LARP4B: variants seen among roughly 807,000 people sequenced by gnomAD.
LARP4B encodes La ribonucleoprotein 4B.
In LARP4B, 12 loss-of-function variants were observed where a neutral mutation model predicts 89.8. The observed-to-expected ratio is 0.13, with a 90% CI of 0.09 to 0.22. The LOEUF is 0.22. LARP4B is among the 10% of genes least tolerant of loss of function. The probability of loss-of-function intolerance (pLI) is 1.00; values close to 1 mark genes in which losing one functional copy is unlikely to be tolerated. For missense variants in LARP4B, 757 were observed against 947.7 expected (o/e 0.80, Z 2.64); for synonymous variants, 367 against 363.3 (o/e 1.01, Z -0.12).
rs1029122205 is a variant in LARP4B at position 888,477 on chromosome 10, G to A, written c.-39-2717C>T. 6.6e-5 allele frequency among the ~76,000 whole-genome samples: 10 copies of A among 152,098 alleles called. 1 individual carries two copies. Among genetic ancestry groups the A allele is most frequent in the African/African-American group, 2.4e-4 (10 of 41,426 alleles). On this transcript the variant is annotated intron_variant, in intron 1 of 17. Transcript: ENST00000316157. Reference sequence around the variant, plus strand: ...GTGTCCTCACTTAACATCATCAACAGGTTCTTGGAAACTGACTTCAAGCGA... The same window carrying A: ...GTGTCCTCACTTAACATCATCAACAAGTTCTTGGAAACTGACTTCAAGCGA...
chr10:856,396 G>T (rs1376093734), intron 5 of LARP4B, among the ~76,000 whole-genome samples: 2 of 152,162 alleles, frequency 1.3e-5, no homozygotes, highest in Non-Finnish European at 2.9e-5. Flanking sequence ...TTATCACTCT[G>T]GTCTGACAAG....
intron 15 of LARP4B, 189 bp from the exon 16 acceptor site, chr10:815,259 C>CT (rs1831973844): frequency 2.1e-6 from 1 of 475,410 alleles, no homozygotes; most frequent in Non-Finnish European, 3.5e-6. Context: ...GCCCACCCTT[C>CT]TCTTTCTCGG....
chr10:960,374 G>T, the LARP4B span, among the ~76,000 whole-genome samples: 1 of 152,082 alleles, frequency 6.6e-6, no homozygotes, highest in East Asian at 1.9e-4. Context: ...CTGACCCCCA[G>T]TGTAAACTGC....
the LARP4B span, among the ~76,000 whole-genome samples, chr10:953,644 A>G: frequency 3.3e-5 from 5 of 152,194 alleles, no homozygotes; most frequent in East Asian, 1.9e-4. Context: ...AACCAACTGC[A>G]TAACAGACAA....
chr10:937,865 T>C, the LARP4B span, among the ~76,000 whole-genome samples: 1 of 152,142 alleles, frequency 6.6e-6, no homozygotes, highest in Non-Finnish European at 1.5e-5. Flanking sequence ...TACTGGATTT[T>C]ATTTTATTTT....
intron 9 of LARP4B, among the ~76,000 whole-genome samples, 169 bp from the exon 10 acceptor site, chr10:829,903 CTCA>C (rs1293050471): frequency 6.6e-6 from 1 of 152,144 alleles, no homozygotes; most frequent in Non-Finnish European, 1.5e-5. Flanking sequence ...TTAAAATAAC[CTCA>C]TAAGAGCTAT....
At chr10:979,231 C>T in the LARP4B span, among the ~76,000 whole-genome samples, 1 of 152,204 alleles carries the variant, frequency 6.6e-6, no homozygotes, top group Admixed American at 6.5e-5. Flanking sequence ...AACATTTGCT[C>T]TCAATCCTAC....
At chr10:914,825 C>T (rs1836774375) in intron 1 of LARP4B, among the ~76,000 whole-genome samples, 1 of 149,492 alleles carries the variant, frequency 6.7e-6, no homozygotes. Context: ...CGCCCACCCC[C>T]CAGCAAAGAA....
the LARP4B span, among the ~76,000 whole-genome samples, chr10:954,770 C>T: frequency 6.7e-6 from 1 of 149,596 alleles, no homozygotes; most frequent in African/African-American, 2.5e-5. This position sits in a 1 kb window ranked among gnomAD's most constrained non-coding sequence, Gnocchi z 5.0. Flanking sequence ...CTCCCATCCA[C>T]GCTTCCCCAG....
the LARP4B span, among the ~76,000 whole-genome samples, chr10:965,171 G>A: frequency 3.3e-5 from 5 of 152,228 alleles, no homozygotes; most frequent in Admixed American, 6.5e-5. Flanking sequence ...CCTTCCAGCC[G>A]TGTGTCTGTG....
intron 1 of LARP4B, among the ~76,000 whole-genome samples, chr10:915,832 CAAA>C (rs71297915): frequency 8.0e-5 from 6 of 75,136 alleles, no homozygotes; most frequent in Non-Finnish European, 1.0e-4. Flanking sequence ...GACTCCGCCT[CAAA>C]AAAAAAAAAA....
intron 3 of LARP4B, among the ~76,000 whole-genome samples, chr10:876,958 G>C (rs1835479673): frequency 6.6e-6 from 1 of 152,182 alleles, no homozygotes; most frequent in Admixed American, 6.5e-5. Flanking sequence ...TTTATGACTT[G>C]TACCTTCTGG....
the LARP4B span, among the ~76,000 whole-genome samples, chr10:944,553 A>G: frequency 2.0e-5 from 3 of 152,198 alleles, no homozygotes; most frequent in East Asian, 5.8e-4. Flanking sequence ...AGCATAGCCT[A>G]TGTGCCTGCC....
intron 5 of LARP4B, among the ~76,000 whole-genome samples, chr10:861,578 C>T (rs1244380258): frequency 1.3e-5 from 2 of 152,160 alleles, no homozygotes; most frequent in Non-Finnish European, 2.9e-5. Context: ...TATACTTTAA[C>T]ATGTTGTTAT....
At chr10:975,587 G>A in the LARP4B span, among the ~76,000 whole-genome samples, 1 of 152,346 alleles carries the variant, frequency 6.6e-6, no homozygotes, top group East Asian at 1.9e-4. Context: ...GTGGCGAATC[G>A]TCTGAATGCA....
the LARP4B span, among the ~76,000 whole-genome samples, chr10:952,375 C>T: frequency 6.8e-6 from 1 of 146,542 alleles, no homozygotes; most frequent in Non-Finnish European, 1.5e-5. Flanking sequence ...GAAGAAATCG[C>T]AGCAGTCCAG....
intron 14 of LARP4B, chr10:819,348 T>C (rs960476000): frequency 6.6e-6 from 1 of 152,244 alleles, no homozygotes; most frequent in Non-Finnish European, 1.5e-5. Flanking sequence ...CAGATGGGAC[T>C]TGACTTGGAA....
chr10:940,591 C>T, the LARP4B span, among the ~76,000 whole-genome samples: 1 of 152,242 alleles, frequency 6.6e-6, no homozygotes, highest in Admixed American at 6.5e-5. Flanking sequence ...AGCCCAGCAG[C>T]ATTAGAGGAA....
intron 1 of LARP4B, among the ~76,000 whole-genome samples, chr10:896,357 A>C (rs1183599334): frequency 6.6e-6 from 1 of 152,240 alleles, no homozygotes; most frequent in Non-Finnish European, 1.5e-5. Flanking sequence ...CATTTATATG[A>C]AATGACTACC....
Sources: gnomAD v4.1 joint callset for allele counts (sites outside exome capture counted in the v4.1 genomes callset) on GRCh38, gnomAD v4.1.1 for gene constraint, Gnocchi (gnomAD v3.1) non-coding constraint, MANE v1.5 for transcripts, NCBI Gene and HGNC (gene_info 2026-07-23, HGNC 2026-07-21) for gene names.